Variants in TTC8 observed in about 807,000 individuals in gnomAD.
TTC8 encodes the protein tetratricopeptide repeat protein 8.
In TTC8, 47 loss-of-function variants were observed where a neutral mutation model predicts 72.5. The ratio of observed to expected loss-of-function variants is 0.65; its 90% CI spans 0.51 to 0.83. The LOEUF (loss-of-function observed/expected upper bound fraction) is 0.83. TTC8 is among the 40% of genes least tolerant of loss of function. The pLI is 0.00. For synonymous variants in TTC8, 199 were observed against 221.4 expected, an observed-to-expected ratio of 0.90 and a Z score of 0.90; for missense variants, 611 against 623.2, an observed-to-expected ratio of 0.98 and a Z score of 0.21.
At chr14:88,859,979 T>C (rs2094878314) in intron 9 of TTC8, among the ~76,000 whole-genome samples, 1 of 139,762 alleles carries the variant, frequency 7.2e-6, no homozygotes, top group Admixed American at 7.2e-5. Context: ...TATTTTTATA[T>C]AATATATATT....
chr14:88,832,148 T>C (rs144742720), intron 1 of TTC8, among the ~76,000 whole-genome samples: 31 of 152,288 alleles, frequency 2.0e-4, no homozygotes, highest in African/African-American at 6.5e-4. Context: ...CCCTACACAC[T>C]CTTCATCCAC....
intron 10 of TTC8, among the ~76,000 whole-genome samples, chr14:88,864,437 T>G (rs2094901169): frequency 6.6e-6 from 1 of 152,216 alleles, no homozygotes; most frequent in Non-Finnish European, 1.5e-5. Context: ...CCTTTTGCCC[T>G]TCTCTTCTTA....
At chr14:88,839,204 A>G (rs1252836336) in intron 2 of TTC8, among the ~76,000 whole-genome samples, 1 of 152,192 alleles carries the variant, frequency 6.6e-6, no homozygotes, top group Non-Finnish European at 1.5e-5. Context: ...AAGGAGTGAT[A>G]GAAGACTACC....
chr14:88,857,910 G>A (rs954843090), intron 9 of TTC8, among the ~76,000 whole-genome samples: 2 of 151,884 alleles, frequency 1.3e-5, no homozygotes, highest in Admixed American at 6.6e-5. Context: ...CTGCTGCAGT[G>A]CCACCTGCAG....
At chr14:88,844,338 T>C (rs555469315) in intron 7 of TTC8, among the ~76,000 whole-genome samples, 1 of 152,296 alleles carries the variant, frequency 6.6e-6, no homozygotes, top group South Asian at 2.1e-4. Context: ...GTTATATGCG[T>C]ATGACTTCTC....
Position 88,846,571 on chromosome 14 carries a change from C to A in TTC8, c.624+2721C>A. On this transcript the variant is annotated intron_variant, in intron 7 of 14. Transcript: ENST00000380656. ...GGCAGATCATAAGCCATTTGTAGGT[C>A]ATGGTGACAATGTTTTTTATTAATA... The A allele has an allele frequency of 3.2e-6, 4 of 1,250,752 alleles. No homozygotes were observed. In the South Asian group the frequency reaches 4.0e-5, roughly 13 times the overall value. The allele number at this position is 1,250,752 out of a possible 1,614,324, so 77.5% of individuals were successfully genotyped here.
intron 7 of TTC8, among the ~76,000 whole-genome samples, chr14:88,851,656 C>G (rs2094834412): frequency 6.6e-6 from 1 of 151,810 alleles, no homozygotes; most frequent in African/African-American, 2.4e-5. Context: ...TGTAGTTATA[C>G]TTTTCTCCTC....
intron 10 of TTC8, among the ~76,000 whole-genome samples, chr14:88,862,541 C>CCTATAT (rs533801849): frequency 4.2e-5 from 1 of 23,796 alleles, no homozygotes; most frequent in Non-Finnish European, 8.2e-5. Flanking sequence ...TCTCTCTCTC[C>CCTATAT]ATATATATAT....
At chr14:88,824,176 A>G (rs954533258), upstream of TTC8, 1 of 152,384 alleles carries the variant, frequency 6.6e-6, no homozygotes, top group Non-Finnish European at 1.5e-5. Flanking sequence ...ACAGCGGACA[A>G]TTTCAGGATT....
rs1345197654 is a variant in TTC8 at position 88,871,792 on chromosome 14, C to A, written c.1224+69C>A. ...TTGAGCCAGACACAGTGGCTCATGC[C>A]TATAATTCCAGCATTTTGGGAGGCT... On this transcript the variant is annotated intron_variant, in intron 12 of 14. Transcript: ENST00000380656. This position sits in a 1 kb window ranked among gnomAD's most constrained non-coding sequence, Gnocchi z 4.1. The A allele has an allele frequency of 6.4e-7, 1 of 1,557,432 alleles. No individual in the cohort carries two copies. The highest frequency in any genetic ancestry group is 8.8e-7 in the Non-Finnish European group (1 of 1,130,878).
rs1018209116 is a variant in TTC8, at chr14:88,843,833, G to A, written c.607G>A (p.Glu203Lys). The A allele has an allele frequency of 2.5e-6, 4 of 1,593,708 alleles. No homozygotes were observed. The highest frequency in any genetic ancestry group is 2.7e-5 in the African/African-American group (2 of 74,276). Residue 203 changes from glutamate (E) to lysine (K), a missense_variant, in exon 7 of 15, where the codon GAA becomes AAA. By Grantham distance (56) the Glu-to-Lys change is moderately conservative. Coordinates refer to ENST00000380656, the MANE Select transcript of TTC8 (RefSeq NM_144596.4). ...KALFEYIFHH[E>K]NDVKTALDLA... ...TTTGTTTGAGTATATCTTTCATCATGAAAATGATGTTAAGACTGTAAGTTT... is the reference window on the plus strand; with the variant it reads ...TTTGTTTGAGTATATCTTTCATCATAAAAATGATGTTAAGACTGTAAGTTT...
intron 2 of TTC8, among the ~76,000 whole-genome samples, chr14:88,834,880 G>A (rs2094743162): frequency 6.6e-6 from 1 of 152,112 alleles, no homozygotes. Flanking sequence ...CTAGCACAAG[G>A]ACTCATGAAA....
chr14:88,841,363 A>C, intron 5 of TTC8, 62 bp from the exon 6 acceptor site: 9 of 1,604,704 alleles, frequency 5.6e-6, no homozygotes, highest in Non-Finnish European at 7.7e-6. Context: ...TATGCATATT[A>C]AACTTGTTTA....
chr14:88,847,274 G>C (rs2140988848), intron 7 of TTC8, among the ~76,000 whole-genome samples: 1 of 152,142 alleles, frequency 6.6e-6, no homozygotes, highest in African/African-American at 2.4e-5. Flanking sequence ...AATAGACCTG[G>C]GGAATATTAG....
chr14:88,832,887 T>C (rs763968464), intron 1 of TTC8, among the ~76,000 whole-genome samples: 1 of 152,224 alleles, frequency 6.6e-6, no homozygotes, highest in Admixed American at 6.5e-5. Flanking sequence ...CCACATCTTC[T>C]GTAACTTCCA....
intron 7 of TTC8, among the ~76,000 whole-genome samples, chr14:88,848,045 C>T (rs1325829329): frequency 6.7e-6 from 1 of 149,426 alleles, no homozygotes; most frequent in African/African-American, 2.5e-5. Flanking sequence ...ATTGCTTGAA[C>T]CCGGGAGGCA....
At chr14:88,849,639 G>T (rs1312562549) in intron 7 of TTC8, among the ~76,000 whole-genome samples, 1 of 152,116 alleles carries the variant, frequency 6.6e-6, no homozygotes, top group Non-Finnish European at 1.5e-5. Flanking sequence ...CTTTTCTCAT[G>T]TTGTGGGGGT....
chr14:88,842,434 A>G (rs896010378), intron 6 of TTC8, among the ~76,000 whole-genome samples: 2 of 152,204 alleles, frequency 1.3e-5, no homozygotes. Context: ...TTTTTCTTAA[A>G]TTCTTGTTCA....
chr14:88,845,197 A>G (rs542881157), intron 7 of TTC8, among the ~76,000 whole-genome samples: 240 of 152,354 alleles, frequency 1.6e-3, no homozygotes, highest in Non-Finnish European at 2.6e-3. Flanking sequence ...GAGACATTTT[A>G]AAAAAGGAAG....
Sources: gnomAD v4.1 joint callset for allele counts (sites outside exome capture counted in the v4.1 genomes callset) on GRCh38, gnomAD v4.1.1 for gene constraint, Gnocchi (gnomAD v3.1) non-coding constraint, MANE v1.5 for transcripts, NCBI Gene and HGNC (gene_info 2026-07-23, HGNC 2026-07-21) for gene names.